DNAJC10: variants seen among roughly 807,000 people sequenced by gnomAD.
The protein encoded by DNAJC10 is DnaJ heat shock protein family (Hsp40) member C10.
A neutral mutation model predicts 115.0 loss-of-function variants in DNAJC10; 101 were observed. The observed-to-expected ratio is 0.88, with a 90% CI of 0.75 to 1.04. The LOEUF (loss-of-function observed/expected upper bound fraction) is 1.04. Among genes scored for constraint, DNAJC10 ranks in the 50% least tolerant of loss-of-function variants. DNAJC10 has a pLI of 0.00. For synonymous variants in DNAJC10, 307 were observed against 301.5 expected (o/e 1.02, Z -0.19); for missense variants, 981 against 928.8 (o/e 1.06, Z -0.73).
At position 182,732,497 on chromosome 2, in the gene DNAJC10, A is replaced by G; in HGVS notation, c.806-2A>G. On this transcript the variant is annotated splice_acceptor_variant, in intron 9 of 23. Coordinates refer to ENST00000264065, the MANE Select transcript of DNAJC10 (RefSeq NM_018981.4). LOFTEE classifies it high-confidence loss of function. ...TGCCTCATAAGGTTTTTTTGTCCCC[A>G]GATTGTTTGACTTCACAGACACGAC... 3.1e-6 allele frequency: 5 copies of G among 1,613,434 alleles called. No individual in the cohort carries two copies. The highest frequency in any genetic ancestry group is 4.2e-6 in the Non-Finnish European group (5 of 1,179,492).
At chr2:182,749,276 A>G (rs577630887) in intron 14 of DNAJC10, among the ~76,000 whole-genome samples, 2 of 132,432 alleles carry the variant, frequency 1.5e-5, no homozygotes, top group East Asian at 4.1e-4. Flanking sequence ...TCCCATTATT[A>G]ATGTGTGGGA....
At chr2:182,719,571 T>G (rs1244072980) in intron 3 of DNAJC10, among the ~76,000 whole-genome samples, 2 of 152,064 alleles carry the variant, frequency 1.3e-5, no homozygotes, top group East Asian at 1.9e-4. Context: ...TGTAATTAGC[T>G]GATAGATTGG....
chr2:182,752,296 T>G, intron 16 of DNAJC10, 108 bp downstream of exon 16: 1 of 512,056 alleles, frequency 2.0e-6, no homozygotes, highest in Middle Eastern at 5.3e-4. Context: ...CATCTTCTAT[T>G]TAGAGTAGTA....
At chr2:182,744,517 T>A (rs940565458) in intron 14 of DNAJC10, among the ~76,000 whole-genome samples, 23 of 152,204 alleles carry the variant, frequency 1.5e-4, no homozygotes, top group African/African-American at 5.5e-4. Flanking sequence ...GGTATTTGAA[T>A]TGAGCATAAA....
At chr2:182,774,876 A>C (rs1229735212) in intron 22 of DNAJC10, among the ~76,000 whole-genome samples, 1 of 152,102 alleles carries the variant, frequency 6.6e-6, no homozygotes, top group Non-Finnish European at 1.5e-5. Context: ...CCCACTGTCC[A>C]ACCAGTCCCA....
rs140483278 is a variant in DNAJC10 at position 182,766,952 on chromosome 2, C to G, written c.2265+4151C>G. On this transcript the variant is annotated intron_variant, in intron 22 of 23. Coordinates refer to ENST00000264065, the MANE Select transcript of DNAJC10 (RefSeq NM_018981.4). Reference sequence around the variant, plus strand: ...GCTTTTCTGTAGGGGGAGGAAAAGGCTCCAGTCTGTCCTTATCCTCACTAG... The same window carrying G: ...GCTTTTCTGTAGGGGGAGGAAAAGGGTCCAGTCTGTCCTTATCCTCACTAG... 5.3e-3 allele frequency among the ~76,000 whole-genome samples: 805 copies of G among 152,184 alleles called. 6 individuals are homozygous for G. The highest frequency in any genetic ancestry group is 5.9e-3 in the Non-Finnish European group (404 of 67,996).
intron 22 of DNAJC10, among the ~76,000 whole-genome samples, chr2:182,770,074 G>C (rs552098352): frequency 2.0e-5 from 3 of 151,198 alleles, no homozygotes; most frequent in Non-Finnish European, 3.0e-5. Context: ...TATTAAATAG[G>C]GTATCCCCAT....
At chr2:182,746,782 G>A in intron 14 of DNAJC10, among the ~76,000 whole-genome samples, 1 of 151,978 alleles carries the variant, frequency 6.6e-6, no homozygotes, top group Non-Finnish European at 1.5e-5. Flanking sequence ...TGCTTTTGTT[G>A]TTTTAGACAT....
In DNAJC10 at chr2:182,743,476, C is replaced by A. The variant is rs757706150; in HGVS notation, c.1192-122C>A. 10 of 662,194 alleles carry A rather than the reference C, an allele frequency of 1.5e-5. No homozygotes were observed. In the Admixed American group the frequency reaches 1.8e-4, roughly 12 times the overall value. The allele number at this position is 662,194 out of a possible 1,614,324, so 41.0% of individuals were successfully genotyped here. A position where few individuals can be genotyped will look rare whatever the true frequency, so the allele number is the denominator to read the frequency against. The stretch of plus-strand genomic sequence containing the variant: ...TATTTCTGTCTCTTATTTTCGTAGC[C>A]TATTAGCTTCTGTTTAAAAACTGTG... On this transcript the variant is annotated intron_variant, in intron 13 of 23. Coordinates refer to ENST00000264065, the MANE Select transcript of DNAJC10 (RefSeq NM_018981.4).
Position 182,779,109 on chromosome 2 carries a change from A to C in DNAJC10, c.*1977A>C, listed in dbSNP as rs985274191. 6.6e-6 allele frequency: 1 copy of C among 152,192 alleles called. No individual in the cohort carries two copies. Among genetic ancestry groups the C allele is most frequent in the African/African-American group, 2.4e-5 (1 of 41,440 alleles). 9.4% of individuals were successfully genotyped at this position (152,192 alleles called of 1,614,324 possible). A position where few individuals can be genotyped will look rare whatever the true frequency, so the allele number is the denominator to read the frequency against. The stretch of plus-strand genomic sequence containing the variant: ...TAAAATAGTAAATATTATGTGTCCT[A>C]TAATTTGACCTAAGCTGTGTGCCTT... On this transcript the variant is annotated 3_prime_UTR_variant, in exon 24 of 24. Coordinates refer to ENST00000264065, the MANE Select transcript of DNAJC10 (RefSeq NM_018981.4).
In DNAJC10 at chr2:182,738,820, G is replaced by A. The variant is rs569627589; in HGVS notation, c.988-1479G>A. Among the ~76,000 whole-genome samples, 206 of 152,246 alleles carry A rather than the reference G, an allele frequency of 1.4e-3. 6 individuals are homozygous for A. In the South Asian group the frequency reaches 0.041, roughly 30 times the overall value. ...CTCCCAAAGTGTTGGGATTACAGGC[G>A]TGAGCCACCGCACCTGGCCGCATTC... On this transcript the variant is annotated intron_variant, in intron 11 of 23. Transcript: ENST00000264065.
intron 5 of DNAJC10, among the ~76,000 whole-genome samples, chr2:182,723,265 C>T (rs1189099522): frequency 2.0e-5 from 3 of 151,980 alleles, no homozygotes; most frequent in African/African-American, 4.8e-5. Flanking sequence ...AGGCTGATCT[C>T]GAACTCCTGA....
At position 182,741,345 on chromosome 2, in the gene DNAJC10, G is replaced by T; in HGVS notation, c.1180G>T (p.Asp394Tyr). Residue 394 changes from aspartate (D) to tyrosine (Y), a missense_variant, in exon 13 of 24, where the codon GAT (aspartate) becomes TAT (tyrosine). By Grantham distance (160) the Asp-to-Tyr change is radical (BLOSUM62 -3). Transcript: ENST00000264065. ...LKKLKTLLKNDHIQVGRFDCS... is the reference protein window; with the variant it reads ...LKKLKTLLKNYHIQVGRFDCS... ...AAAACTAAAAACTCTACTTAAAAATGATCATATTCAAGTAAGAAAAATGTA... is the reference window on the plus strand; with the variant it reads ...AAAACTAAAAACTCTACTTAAAAATTATCATATTCAAGTAAGAAAAATGTA... 2.6e-6 allele frequency: 4 copies of T among 1,549,098 alleles called. No homozygotes were observed. Among genetic ancestry groups the T allele is most frequent in the Non-Finnish European group, 2.6e-6 (3 of 1,135,360 alleles).
At chr2:182,724,499 G>A (rs1240043819) in intron 5 of DNAJC10, among the ~76,000 whole-genome samples, 1 of 152,110 alleles carries the variant, frequency 6.6e-6, no homozygotes, top group Non-Finnish European at 1.5e-5. Flanking sequence ...AGAAATTACA[G>A]TAAGACATTA....
chr2:182,745,505 T>G (rs1337053391), intron 14 of DNAJC10, among the ~76,000 whole-genome samples: 1 of 152,234 alleles, frequency 6.6e-6, no homozygotes, highest in Non-Finnish European at 1.5e-5. Flanking sequence ...CTTCCTTTTA[T>G]GTGCTCTTAC....
At chr2:182,761,661 G>A (rs1694288497) in intron 21 of DNAJC10, among the ~76,000 whole-genome samples, 1 of 152,110 alleles carries the variant, frequency 6.6e-6, no homozygotes, top group Admixed American at 6.6e-5. Context: ...TGAACTGAAT[G>A]AATAGAACGA....
chr2:182,756,423 G>GTCA lies in DNAJC10; in HGVS notation c.1766_1768dup (p.His589dup), dbSNP rs1694158499. 1 of 1,613,906 alleles carries GTCA rather than the reference G, an allele frequency of 6.2e-7. No individual in the cohort carries two copies. Among genetic ancestry groups the GTCA allele is most frequent in the Non-Finnish European group, 8.5e-7 (1 of 1,179,950 alleles). ...ATGGTTGATTTCTATTCTCCGTGGT[G>GTCA]TCATCCTTGCCAAGTCTTAATGCCA... On this transcript the variant is annotated inframe_insertion, in exon 18 of 24. Coordinates refer to ENST00000264065, the MANE Select transcript of DNAJC10 (RefSeq NM_018981.4).
At position 182,729,835 on chromosome 2, in the gene DNAJC10, C is replaced by G; in HGVS notation, c.634-13C>G. On this transcript the variant is annotated splice_polypyrimidine_tract_variant and intron_variant, in intron 7 of 23. Coordinates refer to ENST00000264065, the MANE Select transcript of DNAJC10 (RefSeq NM_018981.4). ...AAAGTAAAAGATGTTTCTCTTCTTA[C>G]AAAAACCAATAGGCCCCAGTGAAAT... 6.5e-7 allele frequency: 1 copy of G among 1,541,490 alleles called. No homozygotes were observed. The highest frequency in any genetic ancestry group is 1.2e-5 in the South Asian group (1 of 80,330).
chr2:182,727,336 T>C lies in DNAJC10; in HGVS notation c.419-1240T>C, dbSNP rs914145828. 3.9e-5 allele frequency among the ~76,000 whole-genome samples: 6 copies of C among 152,344 alleles called. No individual in the cohort carries two copies. In the East Asian group the frequency reaches 1.2e-3, roughly 29 times the overall value. On this transcript the variant is annotated intron_variant, in intron 5 of 23. Transcript: ENST00000264065. ...TGAACAGTAATACCTTGTGTAATTATTGCTTTCTATTTTTATATAAAAATA... is the reference window on the plus strand; with the variant it reads ...TGAACAGTAATACCTTGTGTAATTACTGCTTTCTATTTTTATATAAAAATA...
Sources: gnomAD v4.1 joint callset for allele counts (sites outside exome capture counted in the v4.1 genomes callset) on GRCh38, gnomAD v4.1.1 for gene constraint, MANE v1.5 for transcripts, NCBI Gene and HGNC (gene_info 2026-07-23, HGNC 2026-07-21) for gene names.